Variants in LRP2 observed in about 807,000 individuals in gnomAD.
LRP2 encodes low-density lipoprotein receptor-related protein 2.
In LRP2, 172 loss-of-function variants were observed where a neutral mutation model predicts 531.0. The observed-to-expected ratio is 0.32, with a 90% CI of 0.29 to 0.37. The LOEUF (loss-of-function observed/expected upper bound fraction) is 0.37. Ranked by LOEUF, LRP2 falls within the 10% of genes least tolerant of loss-of-function variation. LRP2 has a pLI of 1.00. For synonymous variants in LRP2, 1,992 were observed against 2,027.6 expected, an observed-to-expected ratio of 0.98 and a Z score of 0.47; for missense variants, 5,167 against 5,868.3, an observed-to-expected ratio of 0.88 and a Z score of 3.90.
intron 62 of LRP2, 67 bp downstream of exon 62, chr2:169,165,865 A>G (rs967639617): frequency 3.7e-6 from 6 of 1,600,286 alleles, no homozygotes; most frequent in Non-Finnish European, 4.3e-6. Flanking sequence ...TCCCAGAGGC[A>G]CATTTTCCAA....
In LRP2 at chr2:169,225,337, A is replaced by T; in HGVS notation, c.5511T>A (p.Ser1837=). The T allele has an allele frequency of 6.2e-7, 1 of 1,613,960 alleles. No homozygotes were observed. Among genetic ancestry groups the T allele is most frequent in the Non-Finnish European group, 8.5e-7 (1 of 1,179,886 alleles). ...ALDWISRNLY[S]TNPRTQSIEV... is the part of the protein sequence containing the mutation. ...CGATTGACTGAGTTCTAGGATTGGTAGAATAAAGGTTTCTTGAAATCCAAT... is the reference window on the plus strand; with the variant it reads ...CGATTGACTGAGTTCTAGGATTGGTTGAATAAAGGTTTCTTGAAATCCAAT... The change falls in exon 33 of 79, where the codon TCT becomes TCA. Residue 1837 remains serine (S), a synonymous_variant. Transcript: ENST00000649046.
Position 169,237,237 on chromosome 2 carries a change from T to G in LRP2, c.4557A>C (p.Val1519=). ...AGTCTGTCCAGTAAAGATTACGACCTACCCAATCTATTGCAATAGTTTCAG... is the reference window on the plus strand; with the variant it reads ...AGTCTGTCCAGTAAAGATTACGACCGACCCAATCTATTGCAATAGTTTCAG... The part of the protein sequence containing the change: ...ILTETIAIDW[V]GRNLYWTDYA... Residue 1519 remains valine (V), a synonymous_variant, in exon 28 of 79, where the codon GTA becomes GTC. Transcript: ENST00000649046. The G allele has an allele frequency of 3.7e-6, 6 of 1,613,904 alleles. No homozygotes were observed. The highest frequency in any genetic ancestry group is 5.1e-6 in the Non-Finnish European group (6 of 1,179,820).
chr2:169,312,393 G>C (rs1238807467), intron 3 of LRP2, among the ~76,000 whole-genome samples: 1 of 152,144 alleles, frequency 6.6e-6, no homozygotes, highest in Non-Finnish European at 1.5e-5. Flanking sequence ...TGTAAGGTAG[G>C]CCTGGTGGTG....
intron 15 of LRP2, among the ~76,000 whole-genome samples, chr2:169,271,453 T>G (rs1390223509): frequency 6.6e-6 from 1 of 152,072 alleles, no homozygotes; most frequent in East Asian, 1.9e-4. Context: ...ACATGGCACA[T>G]GTATACATAT....
intron 7 of LRP2, 80 bp downstream of exon 7, chr2:169,292,173 A>T: frequency 8.8e-7 from 1 of 1,133,606 alleles, no homozygotes; most frequent in Non-Finnish European, 1.3e-6. Flanking sequence ...CAAAATTTCT[A>T]AAAAGGAAAG....
intron 9 of LRP2, among the ~76,000 whole-genome samples, chr2:169,284,257 T>TC (rs60899675): frequency 0.27 from 5,321 of 19,570 alleles, 973 homozygotes; most frequent in African/African-American, 0.37. Flanking sequence ...CTTTTTTTTC[T>TC]TTTTTTTTTT....
intron 68 of LRP2, among the ~76,000 whole-genome samples, chr2:169,148,124 G>A (rs2105350187): frequency 6.6e-6 from 1 of 152,338 alleles, no homozygotes; most frequent in Admixed American, 6.5e-5. Flanking sequence ...AAAAAATGCA[G>A]CCAGGGGCCT....
chr2:169,154,642 A>G (rs1686268209), intron 65 of LRP2, 39 bp from the exon 66 acceptor site: 3 of 1,588,110 alleles, frequency 1.9e-6, no homozygotes, highest in Admixed American at 3.3e-5. Flanking sequence ...TGTTTGAATT[A>G]TACTTTCCTA....
intron 65 of LRP2, among the ~76,000 whole-genome samples, chr2:169,155,585 T>C (rs1402386541): frequency 6.6e-6 from 1 of 152,202 alleles, no homozygotes; most frequent in East Asian, 1.9e-4. Context: ...AACTTCAAAT[T>C]CAAAATAAAG....
At chr2:169,145,650 T>G in intron 70 of LRP2, 97 bp downstream of exon 70, 2 of 1,194,786 alleles carry the variant, frequency 1.7e-6, no homozygotes, top group Non-Finnish European at 2.5e-6. Context: ...GAGATTAGCT[T>G]GTTGTTATCT....
chr2:169,281,692 T>C lies in LRP2; in HGVS notation c.1172-1173A>G, dbSNP rs555382458. On this transcript the variant is annotated intron_variant, in intron 10 of 78. Transcript: ENST00000649046. ...AAGATGGCGCCACTGCACTCCAGCC[T>C]GGGCAACAGAGCGAGACTCATTCTC... Among the ~76,000 whole-genome samples, 40 of 152,094 alleles carry C rather than the reference T, an allele frequency of 2.6e-4. 2 individuals are homozygous for C. The highest frequency in any genetic ancestry group is 9.6e-4 in the African/African-American group (40 of 41,500).
rs542454340 is a variant in LRP2, at chr2:169,278,715, C to T, written c.1565+657G>A. Reference sequence around the variant, plus strand: ...ACTGAATAATCATCATTCACAAAGACTAAAATAGCCTAAAGCTTATCCAAG... The same window carrying T: ...ACTGAATAATCATCATTCACAAAGATTAAAATAGCCTAAAGCTTATCCAAG... On this transcript the variant is annotated intron_variant, in intron 12 of 78. Coordinates refer to ENST00000649046, the MANE Select transcript of LRP2 (RefSeq NM_004525.3). Among the ~76,000 whole-genome samples, 171 of 152,162 alleles carry T rather than the reference C, an allele frequency of 1.1e-3. 1 individual carries two copies. The highest frequency in any genetic ancestry group is 1.0e-3 in the Non-Finnish European group (71 of 68,046).
Position 169,225,473 on chromosome 2 carries a change from G to A in LRP2, c.5395-20C>T. On this transcript the variant is annotated intron_variant, in intron 32 of 78. Coordinates refer to ENST00000649046, the MANE Select transcript of LRP2 (RefSeq NM_004525.3). ...TTCACCCTGGAAAGAAAGACAAGGG[G>A]AGGTGAGCAGTTCCAAGGCCATGGC... The A allele has an allele frequency of 6.2e-7, 1 of 1,613,628 alleles. No homozygotes were observed. Among genetic ancestry groups the A allele is most frequent in the Non-Finnish European group, 8.5e-7 (1 of 1,179,782 alleles).
chr2:169,168,688 G>GA lies in LRP2; in HGVS notation c.11498-13dup, dbSNP rs143342962. The GA allele has an allele frequency of 6.2e-6, 10 of 1,613,676 alleles. No individual in the cohort carries two copies. Among genetic ancestry groups the GA allele is most frequent in the Admixed American group, 1.7e-5 (1 of 59,988 alleles). On this transcript the variant is annotated splice_polypyrimidine_tract_variant and intron_variant, in intron 60 of 78. Transcript: ENST00000649046. ...AGGAAAGCGTGTGGCTGCCATGGGG[G>GA]AAAAAAACATATTCAAATTATTATA... is the stretch of plus-strand genomic sequence containing the variant.
intron 16 of LRP2, among the ~76,000 whole-genome samples, chr2:169,264,563 A>T (rs1439758995): frequency 6.6e-6 from 1 of 152,110 alleles, no homozygotes; most frequent in Non-Finnish European, 1.5e-5. Context: ...AATTCTACTT[A>T]AAAGACAGTA....
intron 6 of LRP2, among the ~76,000 whole-genome samples, 171 bp from the exon 7 acceptor site, chr2:169,292,540 AAAG>A (rs1412410848): frequency 6.6e-6 from 1 of 152,310 alleles, no homozygotes; most frequent in Non-Finnish European, 1.5e-5. Context: ...AAAGAGAGAG[AAAG>A]AAGAAGATAA....
At chr2:169,213,921 G>T (rs767841758) in intron 35 of LRP2, 51 bp from the exon 36 acceptor site, 2 of 1,304,194 alleles carry the variant, frequency 1.5e-6, no homozygotes, top group Non-Finnish European at 2.2e-6. Flanking sequence ...TGAAAATTTT[G>T]AACATTTAAA....
intron 61 of LRP2, among the ~76,000 whole-genome samples, chr2:169,168,024 T>TATATATATATATATATAC (rs1686850153): frequency 8.5e-6 from 1 of 118,268 alleles, no homozygotes; most frequent in Non-Finnish European, 1.9e-5. Flanking sequence ...TTAAAATATA[T>TATATATATATATATATAC]ATATATATAT....
intron 9 of LRP2, among the ~76,000 whole-genome samples, chr2:169,285,504 CA>C (rs1317872561): frequency 5.9e-5 from 9 of 152,146 alleles, no homozygotes; most frequent in African/African-American, 1.7e-4. Flanking sequence ...CACTACTTTA[CA>C]ATCCCCCTCT....
Sources: allele counts gnomAD v4.1 joint callset (sites outside exome capture counted in the v4.1 genomes callset), GRCh38; gene constraint gnomAD v4.1.1; transcripts MANE v1.5; gene names NCBI Gene and HGNC (gene_info 2026-07-23, HGNC 2026-07-21).